GABRA3: variants seen among roughly 807,000 people sequenced by gnomAD.
GABRA3 encodes the protein gamma-aminobutyric acid receptor subunit alpha-3.
GABRA3 carries 10 observed loss-of-function variants against 30.1 expected under a neutral mutation model. The observed-to-expected ratio is 0.33, with a 90% CI of 0.20 to 0.56. The LOEUF is 0.56. Among genes scored for constraint, GABRA3 ranks in the 20% least tolerant of loss-of-function variants. The probability of loss-of-function intolerance (pLI) is 0.89; values close to 1 mark genes in which losing one functional copy is unlikely to be tolerated. For missense variants in GABRA3, 233 were observed against 392.0 expected, an observed-to-expected ratio of 0.59 and a Z score of 3.42; for synonymous variants, 151 against 146.8, an observed-to-expected ratio of 1.03 and a Z score of -0.21.
chrX:152,219,028 T>C (rs1195085353), intron 6 of GABRA3, among the ~76,000 whole-genome samples: 1 of 111,225 alleles, frequency 9.0e-6, no homozygotes, highest in Admixed American at 9.6e-5. Flanking sequence ...TGTACTTTAT[T>C]TGGCCTCCAG....
intron 3 of GABRA3, among the ~76,000 whole-genome samples, chrX:152,304,745 T>C (rs1040706597): frequency 8.9e-6 from 1 of 112,293 alleles, no homozygotes; most frequent in Admixed American, 9.5e-5. Context: ...TCCAGCTTTA[T>C]TCTTTTTGCA....
intron 7 of GABRA3, among the ~76,000 whole-genome samples, chrX:152,205,047 T>C (rs1386702112): frequency 1.8e-5 from 2 of 111,914 alleles, no homozygotes; most frequent in Non-Finnish European, 3.8e-5. Context: ...TTTCCCCTTT[T>C]TATAAGGACA....
chrX:152,396,377 C>T (rs1054082748), intron 1 of GABRA3, among the ~76,000 whole-genome samples: 2 of 112,054 alleles, frequency 1.8e-5, no homozygotes, highest in African/African-American at 6.5e-5. Flanking sequence ...TAGTTTAAAG[C>T]ACTTTGTTGT....
chrX:152,440,939 C>T (rs926889009), intron 1 of GABRA3, among the ~76,000 whole-genome samples: 1 of 108,841 alleles, frequency 9.2e-6, no homozygotes, highest in Non-Finnish European at 1.9e-5. Flanking sequence ...GTGCAGCAAA[C>T]CACCATGGCA....
intron 7 of GABRA3, among the ~76,000 whole-genome samples, chrX:152,202,625 C>T (rs766332445): frequency 7.5e-4 from 84 of 111,448 alleles, no homozygotes; most frequent in African/African-American, 2.6e-3. Context: ...CACATTTATG[C>T]GTTTGTATGT....
chrX:152,383,783 T>C lies in GABRA3; in HGVS notation c.-26-19187A>G, dbSNP rs1929219126. On this transcript the variant is annotated intron_variant, in intron 1 of 9. Coordinates refer to ENST00000370314, the MANE Select transcript of GABRA3 (RefSeq NM_000808.4). ...AGCGAAAAGTTAAAAGTTTTTCCTC[T>C]AATATCAGAAACAAGACAAGGATGC... 5.5e-5 allele frequency among the ~76,000 whole-genome samples: 6 copies of C among 109,804 alleles called. No homozygotes were observed. In the South Asian group the frequency reaches 2.3e-3, roughly 43 times the overall value.
At chrX:152,264,456 C>T (rs1026364291) in intron 4 of GABRA3, among the ~76,000 whole-genome samples, 5 of 110,927 alleles carry the variant, frequency 4.5e-5, no homozygotes, top group African/African-American at 1.6e-4. Flanking sequence ...TATTTGCAAA[C>T]CTCCTGGTAA....
chrX:152,436,927 C>A (rs189171604), intron 1 of GABRA3, among the ~76,000 whole-genome samples: 1 of 111,253 alleles, frequency 9.0e-6, no homozygotes, highest in East Asian at 2.8e-4. Context: ...TTCCAAAACA[C>A]ATATCTTCTA....
At chrX:152,364,399 C>A (rs201222418) in intron 2 of GABRA3, 32 bp downstream of exon 2, 6 of 1,181,872 alleles carry the variant, frequency 5.1e-6, no homozygotes, top group Non-Finnish European at 6.8e-6. Flanking sequence ...TTATCACAGT[C>A]TTCTTTCATC....
intron 3 of GABRA3, among the ~76,000 whole-genome samples, chrX:152,335,085 G>C (rs759959442): frequency 9.0e-6 from 1 of 111,518 alleles, no homozygotes; most frequent in Non-Finnish European, 1.9e-5. Context: ...ACGGCACGGA[G>C]ACTCTAACTT....
intron 5 of GABRA3, among the ~76,000 whole-genome samples, chrX:152,240,258 T>C (rs1022591417): frequency 2.3e-4 from 24 of 104,269 alleles, no homozygotes; most frequent in Non-Finnish European, 4.4e-4. Flanking sequence ...TTATGAAGCT[T>C]AGTTTGGCTG....
chrX:152,369,983 G>C (rs1928789840), intron 1 of GABRA3, among the ~76,000 whole-genome samples: 1 of 111,399 alleles, frequency 9.0e-6, no homozygotes, highest in African/African-American at 3.3e-5. Context: ...AGGTTACTGG[G>C]CACTACCAAA....
chrX:152,387,692 C>T (rs1031866780), intron 1 of GABRA3, among the ~76,000 whole-genome samples: 6 of 111,773 alleles, frequency 5.4e-5, no homozygotes, highest in Non-Finnish European at 1.9e-5. Flanking sequence ...TCCTTAAAAA[C>T]TTAGTCTTAA....
intron 3 of GABRA3, among the ~76,000 whole-genome samples, chrX:152,329,046 T>C (rs1325615758): frequency 3.6e-5 from 4 of 111,810 alleles, no homozygotes; most frequent in Non-Finnish European, 7.5e-5. Flanking sequence ...GGCATTCCTA[T>C]ACACCAATAA....
Position 152,167,270 on chromosome X carries a change from A to C in GABRA3, c.*958T>G, listed in dbSNP as rs1760783988. ...AGACTTCAATCCTCAACTACCATCC[A>C]CTCCAAACCTCTTACCCAATCCAGT... On this transcript the variant is annotated 3_prime_UTR_variant, in exon 10 of 10. Coordinates refer to ENST00000370314, the MANE Select transcript of GABRA3 (RefSeq NM_000808.4). 1 of 110,620 alleles carries C rather than the reference A, an allele frequency of 9.0e-6. No individual in the cohort carries two copies. The highest frequency in any genetic ancestry group is 3.3e-5 in the African/African-American group (1 of 30,377). The allele number at this position is 110,620 out of a possible 1,213,427, so 9.1% of individuals were successfully genotyped here.
At chrX:152,264,814 C>A (rs185695779) in intron 4 of GABRA3, among the ~76,000 whole-genome samples, 1 of 110,354 alleles carries the variant, frequency 9.1e-6, no homozygotes, top group Non-Finnish European at 1.9e-5. Context: ...ATATTCCATG[C>A]AGATGGAAAG....
chrX:152,424,915 TTC>T (rs1016636425), intron 1 of GABRA3, among the ~76,000 whole-genome samples: 32 of 103,977 alleles, frequency 3.1e-4, no homozygotes, highest in Middle Eastern at 4.8e-3. Flanking sequence ...ATTGTATATT[TTC>T]TTTTTCTTTT....
At chrX:152,289,002 C>T (rs1400791588) in intron 3 of GABRA3, among the ~76,000 whole-genome samples, 2 of 109,545 alleles carry the variant, frequency 1.8e-5, no homozygotes, top group East Asian at 2.9e-4. Flanking sequence ...ATATGCATAA[C>T]GTACACATAC....
intron 2 of GABRA3, among the ~76,000 whole-genome samples, chrX:152,347,522 G>A (rs1191180152): frequency 9.0e-6 from 1 of 111,170 alleles, no homozygotes; most frequent in South Asian, 3.8e-4. Context: ...TGAGGGGATG[G>A]ATACCACATT....
Sources: gnomAD v4.1 joint callset for allele counts (sites outside exome capture counted in the v4.1 genomes callset) on GRCh38, gnomAD v4.1.1 for gene constraint, MANE v1.5 for transcripts, NCBI Gene and HGNC (gene_info 2026-07-23, HGNC 2026-07-21) for gene names.